Variants in IL1RAPL1 observed in about 807,000 individuals in gnomAD.
The protein encoded by IL1RAPL1 is interleukin 1 receptor accessory protein like 1, also known as interleukin-1 receptor accessory protein-like 1.
A neutral mutation model predicts 48.4 loss-of-function variants in IL1RAPL1; 3 were observed. The ratio of observed to expected loss-of-function variants is 0.06; its 90% CI spans 0.03 to 0.16. IL1RAPL1 has a LOEUF of 0.16. Ranked by LOEUF, IL1RAPL1 falls within the 10% of genes least tolerant of loss-of-function variation. The pLI, the probability that IL1RAPL1 is intolerant of heterozygous loss-of-function variation, is 1.00. For missense variants in IL1RAPL1, 349 were observed against 530.6 expected (o/e 0.66, Z 3.36); for synonymous variants, 185 against 187.7 (o/e 0.99, Z 0.12).
At chrX:29,925,299 A>T (rs763787009) in intron 8 of IL1RAPL1, among the ~76,000 whole-genome samples, 6 of 109,040 alleles carry the variant, frequency 5.5e-5, no homozygotes, top group Admixed American at 1.0e-4. Context: ...ATATTAAGGA[A>T]TTTTAGTAAT....
At chrX:29,484,977 A>G (rs1293842626) in intron 5 of IL1RAPL1, among the ~76,000 whole-genome samples, 3 of 112,120 alleles carry the variant, frequency 2.7e-5, no homozygotes, top group Non-Finnish European at 5.6e-5. Flanking sequence ...CTGTACAATC[A>G]CTAAAGGATT....
intron 2 of IL1RAPL1, among the ~76,000 whole-genome samples, chrX:29,208,615 C>T (rs1227381372): frequency 1.9e-5 from 2 of 107,912 alleles, no homozygotes; most frequent in African/African-American, 6.7e-5. Context: ...GGAGGCTGAG[C>T]CAGGAGAATG....
chrX:29,550,510 A>C (rs1343529394), intron 5 of IL1RAPL1, among the ~76,000 whole-genome samples: 1 of 112,120 alleles, frequency 8.9e-6, no homozygotes, highest in Non-Finnish European at 1.9e-5. Flanking sequence ...ATCCAAGTAA[A>C]GTATATGTAT....
Position 28,839,120 on chromosome X carries a change from C to T in IL1RAPL1, c.82+49695C>T, listed in dbSNP as rs570487584. ...CTTCGTTCTATTGTGTTATTCTGTG[C>T]GAACACTTGGAATTTTTATATGTGC... On this transcript the variant is annotated intron_variant, in intron 2 of 10. Transcript: ENST00000378993. 1.3e-4 allele frequency among the ~76,000 whole-genome samples: 15 copies of T among 111,519 alleles called. No homozygotes were observed. The South Asian group carries it at 5.1e-3, about 38-fold the overall frequency.
intron 6 of IL1RAPL1, among the ~76,000 whole-genome samples, chrX:29,780,259 G>A (rs775033783): frequency 9.0e-6 from 1 of 111,293 alleles, no homozygotes; most frequent in Admixed American, 9.5e-5. Context: ...TCCTCATTAT[G>A]GTGTAAAACA....
chrX:28,992,837 A>C (rs1310990863), intron 2 of IL1RAPL1, among the ~76,000 whole-genome samples: 5 of 112,275 alleles, frequency 4.5e-5, no homozygotes, highest in African/African-American at 1.6e-4. Context: ...ATCTTTCCCA[A>C]GTGGACCTGA....
chrX:29,910,098 C>T (rs1932736071), intron 6 of IL1RAPL1, among the ~76,000 whole-genome samples: 1 of 111,205 alleles, frequency 9.0e-6, no homozygotes, highest in African/African-American at 3.3e-5. Flanking sequence ...ATATCATGTC[C>T]TTTGCAGCAA....
intron 5 of IL1RAPL1, among the ~76,000 whole-genome samples, chrX:29,441,845 C>T (rs1246386360): frequency 1.8e-5 from 2 of 111,931 alleles, no homozygotes; most frequent in African/African-American, 6.5e-5. Flanking sequence ...ATATTTTTAA[C>T]ATCTTTATTT....
intron 2 of IL1RAPL1, among the ~76,000 whole-genome samples, chrX:29,272,371 C>T (rs768736120): frequency 9.0e-6 from 1 of 111,676 alleles, no homozygotes; most frequent in East Asian, 2.8e-4. Context: ...TGTTATTGTT[C>T]TGTTCAAAAA....
At chrX:28,663,148 A>G (rs781774069) in intron 1 of IL1RAPL1, among the ~76,000 whole-genome samples, 2 of 112,365 alleles carry the variant, frequency 1.8e-5, no homozygotes, top group Non-Finnish European at 3.8e-5. Flanking sequence ...ATGCTCATCC[A>G]TGAGCAGGTC....
At chrX:29,931,706 G>GCAGTCCA (rs1932951399) in intron 8 of IL1RAPL1, among the ~76,000 whole-genome samples, 1 of 112,044 alleles carries the variant, frequency 8.9e-6, no homozygotes, top group Non-Finnish European at 1.9e-5. Context: ...GGTTATCTAG[G>GCAGTCCA]CAGTCCAGAT....
intron 1 of IL1RAPL1, among the ~76,000 whole-genome samples, chrX:28,752,446 C>T (rs1186532044): frequency 8.9e-6 from 1 of 112,108 alleles, no homozygotes; most frequent in African/African-American, 3.2e-5. Context: ...ATTCAGGTGA[C>T]GATGCCACTA....
At chrX:29,280,482 AG>A (rs1375456289) in intron 2 of IL1RAPL1, among the ~76,000 whole-genome samples, 6 of 112,696 alleles carry the variant, frequency 5.3e-5, no homozygotes, top group Non-Finnish European at 1.1e-4. Flanking sequence ...AATTAATTCT[AG>A]GTTCAGATAA....
At chrX:29,943,520 ACTCT>A (rs1261740280) in intron 9 of IL1RAPL1, among the ~76,000 whole-genome samples, 4 of 111,787 alleles carry the variant, frequency 3.6e-5, no homozygotes, top group East Asian at 2.8e-4. Context: ...CTTATCGGAT[ACTCT>A]CTATTATTTG....
At chrX:29,586,744 T>C (rs181570527) in intron 5 of IL1RAPL1, among the ~76,000 whole-genome samples, 1 of 111,418 alleles carries the variant, frequency 9.0e-6, no homozygotes, top group East Asian at 2.8e-4. Flanking sequence ...TGTACAACTC[T>C]TTTGCCTCCT....
chrX:29,865,069 T>A lies in IL1RAPL1; in HGVS notation c.779-52395T>A, dbSNP rs745340346. ...TTTTCAAAGGATTTCATGCATCCAGTGTTATTCAAAAACACTTGCGAAAAT... is the reference window on the plus strand; with the variant it reads ...TTTTCAAAGGATTTCATGCATCCAGAGTTATTCAAAAACACTTGCGAAAAT... On this transcript the variant is annotated intron_variant, in intron 6 of 10. Coordinates refer to ENST00000378993, the MANE Select transcript of IL1RAPL1 (RefSeq NM_014271.4). Among the ~76,000 whole-genome samples, 4 of 112,216 alleles carry A rather than the reference T, an allele frequency of 3.6e-5. No homozygotes were observed. In the South Asian group the frequency reaches 1.5e-3, roughly 42 times the overall value.
At chrX:28,837,956 T>C (rs1001079970) in intron 2 of IL1RAPL1, among the ~76,000 whole-genome samples, 3 of 110,215 alleles carry the variant, frequency 2.7e-5, no homozygotes, top group Non-Finnish European at 3.8e-5. Flanking sequence ...TGTGACTTCC[T>C]TGACCTTACG....
chrX:29,568,803 G>A (rs1922496208), intron 5 of IL1RAPL1, among the ~76,000 whole-genome samples: 1 of 111,089 alleles, frequency 9.0e-6, no homozygotes, highest in Non-Finnish European at 1.9e-5. Context: ...AGAGTTTTCT[G>A]GTCATTCATT....
rs1465104560 is a variant in IL1RAPL1 at position 29,296,517 on chromosome X, CCTT to C, written c.362+13304_362+13306del. 8.0e-5 allele frequency among the ~76,000 whole-genome samples: 7 copies of C among 87,907 alleles called. No homozygotes were observed. The East Asian group carries it at 1.2e-3, about 15-fold the overall frequency. The allele number at this position is 87,907 out of a possible 115,157, so 76.3% of individuals were successfully genotyped here. A position where few individuals can be genotyped will look rare whatever the true frequency, so the allele number is the denominator to read the frequency against. On this transcript the variant is annotated intron_variant, in intron 3 of 10. Coordinates refer to ENST00000378993, the MANE Select transcript of IL1RAPL1 (RefSeq NM_014271.4). The stretch of plus-strand genomic sequence containing the variant: ...ATGAGTAATGCATATTCTTGGACAA[CCTT>C]CTTTTTTTTTTTTTAATTTCCACAG...
Sources: allele counts gnomAD v4.1 joint callset (sites outside exome capture counted in the v4.1 genomes callset), GRCh38; gene constraint gnomAD v4.1.1; transcripts MANE v1.5; gene names NCBI Gene and HGNC (gene_info 2026-07-23, HGNC 2026-07-21).